Variants in USP38 observed in about 807,000 individuals in gnomAD.
USP38 encodes ubiquitin carboxyl-terminal hydrolase 38.
USP38 carries 49 observed loss-of-function variants against 94.3 expected under a neutral mutation model. The observed-to-expected ratio is 0.52, with a 90% CI of 0.41 to 0.66. The LOEUF is 0.66. Among genes scored for constraint, USP38 ranks in the 30% least tolerant of loss-of-function variants. The pLI is 0.00. For missense variants in USP38, 1,128 were observed against 1,229.4 expected, an observed-to-expected ratio of 0.92 and a Z score of 1.23; for synonymous variants, 468 against 463.6, an observed-to-expected ratio of 1.01 and a Z score of -0.12.
chr4:143,202,338 T>A (rs1386199259), intron 4 of USP38, among the ~76,000 whole-genome samples: 1 of 152,140 alleles, frequency 6.6e-6, no homozygotes, highest in African/African-American at 2.4e-5. Context: ...TGTAAGACTA[T>A]GATTGTTCTT....
rs769051196 is a variant in USP38, at chr4:143,187,968, C to T, written c.818+7C>T. The T allele has an allele frequency of 3.2e-5, 51 of 1,606,088 alleles. No individual in the cohort carries two copies. Among genetic ancestry groups the T allele is most frequent in the Non-Finnish European group, 6.8e-6 (8 of 1,177,618 alleles). ...TGACCCAAGCCCTTTGCAGGTACTT[C>T]TTCATGACACTATTAATGGTAATTG... On this transcript the variant is annotated splice_region_variant and intron_variant, in intron 2 of 9. Transcript: ENST00000307017.
At chr4:143,199,137 A>G (rs1731637589) in intron 4 of USP38, among the ~76,000 whole-genome samples, 1 of 150,142 alleles carries the variant, frequency 6.7e-6, no homozygotes, top group South Asian at 2.1e-4. Context: ...ACCTCCTCCC[A>G]CTCTCCCCGC....
At chr4:143,216,247 GTTAC>G (rs1242582307) in intron 9 of USP38, among the ~76,000 whole-genome samples, 1 of 151,982 alleles carries the variant, frequency 6.6e-6, no homozygotes, top group African/African-American at 2.4e-5. Context: ...AGACTCGTAT[GTTAC>G]TTTATTATAA....
chr4:143,221,203 G>A lies in USP38; in HGVS notation c.*747G>A, dbSNP rs1161925903. On this transcript the variant is annotated 3_prime_UTR_variant, in exon 10 of 10. Transcript: ENST00000307017. ...GTATATCTTCTGTGGTTTTGAAGGA[G>A]GTGAGTTCTGTATGTGCCTTGCAGT... The A allele has an allele frequency of 6.6e-6, 1 of 152,480 alleles. No individual in the cohort carries two copies. The highest frequency in any genetic ancestry group is 1.5e-5 in the Non-Finnish European group (1 of 67,988). The allele number at this position is 152,480 out of a possible 1,614,324, so 9.4% of individuals were successfully genotyped here. A position where few individuals can be genotyped will look rare whatever the true frequency, so the allele number is the denominator to read the frequency against.
chr4:143,218,455 A>T (rs1295837054), intron 9 of USP38, among the ~76,000 whole-genome samples: 3 of 152,116 alleles, frequency 2.0e-5, no homozygotes, highest in Non-Finnish European at 4.4e-5. Flanking sequence ...AATAAAAGAC[A>T]GTTTTTCCTA....
At chr4:143,205,385 G>C (rs1304651671) in intron 5 of USP38, among the ~76,000 whole-genome samples, 1 of 152,176 alleles carries the variant, frequency 6.6e-6, no homozygotes. Flanking sequence ...CTCTATTCAT[G>C]CTTGAAATAA....
chr4:143,223,232 CA>C lies in USP38; in HGVS notation c.*2777del, dbSNP rs1244038641. On this transcript the variant is annotated 3_prime_UTR_variant, in exon 10 of 10. Transcript: ENST00000307017. ...GATTCTAGCTCATTTTCCATTCAAG[CA>C]TCTTCCCACTGCCTCTCTTCCAGCT... 6.6e-6 allele frequency: 1 copy of C among 152,094 alleles called. No individual in the cohort carries two copies. Among genetic ancestry groups the C allele is most frequent in the Non-Finnish European group, 1.5e-5 (1 of 67,984 alleles). 9.4% of individuals were successfully genotyped at this position (152,094 alleles called of 1,614,324 possible). A position where few individuals can be genotyped will look rare whatever the true frequency, so the allele number is the denominator to read the frequency against.
intron 9 of USP38, among the ~76,000 whole-genome samples, chr4:143,218,032 C>T (rs1269508785): frequency 1.3e-5 from 2 of 152,078 alleles, no homozygotes; most frequent in African/African-American, 2.4e-5. Context: ...TGTAATGCAT[C>T]ATCATTGTAT....
At chr4:143,203,638 C>A in intron 5 of USP38, 72 bp downstream of exon 5, 1 of 1,456,922 alleles carries the variant, frequency 6.9e-7, no homozygotes, top group Non-Finnish European at 9.3e-7. Flanking sequence ...TTATAACCAG[C>A]TACTCAATTT....
At chr4:143,194,452 A>G (rs1318356115) in intron 2 of USP38, among the ~76,000 whole-genome samples, 1 of 152,116 alleles carries the variant, frequency 6.6e-6, no homozygotes. Context: ...TTTTCTTAGT[A>G]TATAATCCCA....
In USP38 at chr4:143,185,486, G is replaced by T. The variant is rs1731189129; in HGVS notation, c.36G>T (p.Ser12=). 4 of 1,603,888 alleles carry T rather than the reference G, an allele frequency of 2.5e-6. No homozygotes were observed. The highest frequency in any genetic ancestry group is 3.4e-6 in the Non-Finnish European group (4 of 1,174,394). Residue 12 remains serine, a synonymous_variant, in exon 1 of 10, where the codon TCG becomes TCT. Transcript: ENST00000307017. ...TCCTGGAGGGCCTTGTGAGTTCCTC[G>T]CATCCCCTGCCCCTCAAGCGGGTGA... The part of the protein sequence containing the change: ...DKILEGLVSS[S]HPLPLKRVIV...
chr4:143,193,612 G>A (rs1731462280), intron 2 of USP38, among the ~76,000 whole-genome samples: 1 of 152,210 alleles, frequency 6.6e-6, no homozygotes, highest in African/African-American at 2.4e-5. Flanking sequence ...AGTTTGTGTA[G>A]AGAATGGAGG....
intron 7 of USP38, 48 bp from the exon 8 acceptor site, chr4:143,212,270 C>A: frequency 7.0e-7 from 1 of 1,423,584 alleles, no homozygotes; most frequent in Admixed American, 2.0e-5. Flanking sequence ...TTACTTGGTT[C>A]ATGCTATAAG....
Position 143,206,220 on chromosome 4 carries a change from C to A in USP38, c.1397C>A (p.Ala466Asp). 1 of 1,583,078 alleles carries A rather than the reference C, an allele frequency of 6.3e-7. No individual in the cohort carries two copies. The highest frequency in any genetic ancestry group is 8.6e-7 in the Non-Finnish European group (1 of 1,167,100). ...MNSVIQALFM[A>D]TDFRRQVLSL... is the part of the protein sequence containing the mutation. ...AGTGTTATACAAGCCTTGTTTATGGCCACAGAGTAAGTTTAAACTTGAATC... is the reference window on the plus strand; with the variant it reads ...AGTGTTATACAAGCCTTGTTTATGGACACAGAGTAAGTTTAAACTTGAATC... The change falls in exon 6 of 10, where the codon GCC becomes GAC. Residue 466 changes from alanine to aspartate, a missense_variant. Physicochemically the swap from Ala to Asp is moderately radical, Grantham distance 126. Transcript: ENST00000307017.
chr4:143,198,843 A>G (rs374688511), intron 4 of USP38, among the ~76,000 whole-genome samples: 1 of 152,158 alleles, frequency 6.6e-6, no homozygotes, highest in South Asian at 2.1e-4. Flanking sequence ...CCTTATATAT[A>G]TGTATAATAC....
chr4:143,212,670 C>CCCAAAAAG (rs1360737134), intron 8 of USP38, among the ~76,000 whole-genome samples: 57 of 152,184 alleles, frequency 3.7e-4, no homozygotes, highest in Non-Finnish European at 8.2e-4. Context: ...AAAACACTTT[C>CCCAAAAAG]AGGAGTCTGT....
At chr4:143,199,370 T>C (rs1354585939) in intron 4 of USP38, among the ~76,000 whole-genome samples, 8 of 152,220 alleles carry the variant, frequency 5.3e-5, no homozygotes, top group African/African-American at 1.9e-4. Flanking sequence ...CACATTTTCT[T>C]TATCCAATCT....
At chr4:143,191,421 GA>G (rs1240134632) in intron 2 of USP38, among the ~76,000 whole-genome samples, 6 of 152,260 alleles carry the variant, frequency 3.9e-5, no homozygotes, top group Non-Finnish European at 7.4e-5. Flanking sequence ...TTTTTCAAAA[GA>G]AGCCTGAAAT....
Position 143,185,324 on chromosome 4 carries a change from C to A in USP38, c.-127C>A. On this transcript the variant is annotated 5_prime_UTR_variant, in exon 1 of 10. Transcript: ENST00000307017. ...AATGTGGCTGCTGAGGCGGCGGTGG[C>A]CGTGGCCCGTCGCGCTGCTGCTGCG... 1 of 1,051,488 alleles carries A rather than the reference C, an allele frequency of 9.5e-7. No homozygotes were observed. The highest frequency in any genetic ancestry group is 1.3e-6 in the Non-Finnish European group (1 of 747,796). 65.1% of individuals were successfully genotyped at this position (1,051,488 alleles called of 1,614,324 possible).
Sources: allele counts gnomAD v4.1 joint callset (sites outside exome capture counted in the v4.1 genomes callset), GRCh38; gene constraint gnomAD v4.1.1; transcripts MANE v1.5; gene names NCBI Gene and HGNC (gene_info 2026-07-23, HGNC 2026-07-21).